DISP3: variants seen among roughly 807,000 people sequenced by gnomAD.
DISP3 encodes protein dispatched homolog 3.
DISP3 carries 101 observed loss-of-function variants against 135.3 expected under a neutral mutation model. That is an observed-to-expected ratio of 0.75 (90% CI 0.64 to 0.88). The LOEUF (loss-of-function observed/expected upper bound fraction) is 0.88, where lower values mean the gene tolerates loss of function less well. Among genes scored for constraint, DISP3 ranks in the 40% least tolerant of loss-of-function variants. The pLI is 0.00. For synonymous variants in DISP3, 856 were observed against 817.0 expected (o/e 1.05, Z -0.81); for missense variants, 1,713 against 1,878.6 (o/e 0.91, Z 1.63).
chr1:11,521,591 G>A (rs1642196333), intron 10 of DISP3, among the ~76,000 whole-genome samples: 1 of 128,634 alleles, frequency 7.8e-6, no homozygotes, highest in Non-Finnish European at 1.7e-5. Context: ...TTAGCCAGTT[G>A]AGGAGGGGAG....
Position 11,501,452 on chromosome 1 carries a change from G to C in DISP3, c.460G>C (p.Glu154Gln), listed in dbSNP as rs1641513824. The C allele has an allele frequency of 1.2e-6, 2 of 1,601,290 alleles. No homozygotes were observed. Among genetic ancestry groups the C allele is most frequent in the Admixed American group, 3.4e-5 (2 of 58,534 alleles). Residue 154 changes from glutamate (E) to glutamine (Q), a missense_variant, in exon 2 of 21, where the codon GAG becomes CAG. Transcript: ENST00000294484. The surrounding 1 kb of genome is among the most constrained non-coding windows in gnomAD (Gnocchi z 4.9). ...CGAGACGCTTCAGCGCCTTATCTCA[G>C]AGCAGCTGCAGCAGCTGCATCTCGG... The part of the protein sequence containing the change: ...TSETLQRLIS[E>Q]QLQQLHLGNR...
In DISP3 at chr1:11,536,901, T is replaced by A; in HGVS notation, c.*215T>A. 1.5e-6 allele frequency: 1 copy of A among 657,470 alleles called. No homozygotes were observed. 40.7% of individuals were successfully genotyped at this position (657,470 alleles called of 1,614,324 possible). A position where few individuals can be genotyped will look rare whatever the true frequency, so the allele number is the denominator to read the frequency against. On this transcript the variant is annotated 3_prime_UTR_variant, in exon 21 of 21. Transcript: ENST00000294484. The surrounding 1 kb of genome is among the most constrained non-coding windows in gnomAD (Gnocchi z 4.3). ...GCCGCCACCCCACAGGCCGGGCTAC[T>A]GGCAGCCACACTCGGCTTTTTGCCC...
intron 1 of DISP3, among the ~76,000 whole-genome samples, chr1:11,498,788 A>G (rs948806794): frequency 7.2e-5 from 11 of 152,124 alleles, no homozygotes; most frequent in African/African-American, 2.7e-4. Context: ...TGTGTACGCC[A>G]TCCTTCTGAC....
chr1:11,521,753 G>C (rs1246854138), intron 10 of DISP3, among the ~76,000 whole-genome samples: 2 of 152,268 alleles, frequency 1.3e-5, no homozygotes, highest in African/African-American at 4.8e-5. Context: ...CCAGAGGTGG[G>C]AAAGACCAAT....
intron 1 of DISP3, among the ~76,000 whole-genome samples, chr1:11,486,553 G>C (rs1284189593): frequency 6.6e-6 from 1 of 152,206 alleles, no homozygotes; most frequent in Non-Finnish European, 1.5e-5. Flanking sequence ...CCAGGAATCT[G>C]CAATGAACAG....
chr1:11,517,710 T>A, intron 7 of DISP3, 108 bp downstream of exon 7: 4 of 1,390,892 alleles, frequency 2.9e-6, no homozygotes, highest in Non-Finnish European at 3.9e-6. Context: ...GACCAGTCCT[T>A]TGCTAGGCAG....
At chr1:11,506,136 T>C (rs577690583) in intron 3 of DISP3, among the ~76,000 whole-genome samples, 2 of 152,350 alleles carry the variant, frequency 1.3e-5, no homozygotes, top group South Asian at 2.1e-4. Context: ...ATCTTTTTTG[T>C]TGTGCCATTA....
intron 3 of DISP3, among the ~76,000 whole-genome samples, chr1:11,512,333 G>C (rs571106931): frequency 6.6e-5 from 10 of 152,028 alleles, no homozygotes; most frequent in African/African-American, 1.9e-4. Context: ...AAAACTGAAT[G>C]CCTTTAACAG....
Position 11,535,514 on chromosome 1 carries a change from G to T in DISP3, c.3686G>T (p.Ser1229Ile). The stretch of plus-strand genomic sequence containing the variant: ...CTGGTGGTGACCATCATGTACTGGA[G>T]CGGCTGGGAGATGGGGGCTGTGGAA... ...VCLVVTIMYW[S>I]GWEMGAVEAI... The change falls in exon 20 of 21, where the codon AGC becomes ATC. Residue 1229 changes from serine to isoleucine, a missense_variant. This residue lies in a region of DISP3 where 1,142 missense variants were observed against 1,384.6 expected (regional missense o/e 0.82). Coordinates refer to ENST00000294484, the MANE Select transcript of DISP3 (RefSeq NM_020780.2). The T allele has an allele frequency of 6.2e-7, 1 of 1,612,900 alleles. No individual in the cohort carries two copies. Among genetic ancestry groups the T allele is most frequent in the Non-Finnish European group, 8.5e-7 (1 of 1,179,794 alleles).
At chr1:11,534,589 G>T in intron 18 of DISP3, 49 bp downstream of exon 18, 1 of 1,563,136 alleles carries the variant, frequency 6.4e-7, no homozygotes, top group South Asian at 1.2e-5. Context: ...GAGGCAGAGG[G>T]ACCTGGGGCC....
intron 17 of DISP3, 127 bp from the exon 18 acceptor site, chr1:11,534,254 G>A (rs910011980): frequency 4.1e-5 from 48 of 1,178,624 alleles, no homozygotes; most frequent in Non-Finnish European, 5.2e-5. Flanking sequence ...GGATTGAATC[G>A]TTGTTCACAC....
At chr1:11,525,139 C>T (rs769767679) in intron 11 of DISP3, 37 bp from the exon 12 acceptor site, 2 of 1,608,176 alleles carry the variant, frequency 1.2e-6, no homozygotes, top group Non-Finnish European at 1.7e-6. Context: ...CAGTCGAGGT[C>T]AAGTCCACCC....
chr1:11,524,029 C>A lies in DISP3; in HGVS notation c.2450C>A (p.Ala817Asp). ...AGGCGAGGCTCAGGGGTCCCCTGGG[C>A]TAGCCGGCCTGAGGCCACCCTGCAG... ...KKRRGSGVPW[A>D]SRPEATLQDF... Residue 817 changes from alanine (A) to aspartate (D), a missense_variant, in exon 11 of 21, where the codon GCT becomes GAT. Ala to Asp is a moderately radical substitution (Grantham distance 126). Coordinates refer to ENST00000294484, the MANE Select transcript of DISP3 (RefSeq NM_020780.2). 2 of 1,613,296 alleles carry A rather than the reference C, an allele frequency of 1.2e-6. 1 individual carries two copies. The highest frequency in any genetic ancestry group is 2.2e-5 in the South Asian group (2 of 91,068).
chr1:11,501,838 CG>C lies in DISP3; in HGVS notation c.848del (p.Gly283AlafsTer58). ...WRIELIFLAR[G>X]DAERNIFTSE... ...GCATCGAGCTCATCTTCCTGGCGCG[CG>C]GCGACGCGGAGCGCAACATTTTCAC... On this transcript the variant is annotated frameshift_variant, in exon 2 of 21. Coordinates refer to ENST00000294484, the MANE Select transcript of DISP3 (RefSeq NM_020780.2). LOFTEE classifies it high-confidence loss of function. The surrounding 1 kb of genome is among the most constrained non-coding windows in gnomAD (Gnocchi z 4.9). 6.2e-7 allele frequency: 1 copy of C among 1,611,518 alleles called. No individual in the cohort carries two copies. The highest frequency in any genetic ancestry group is 8.5e-7 in the Non-Finnish European group (1 of 1,178,850).
At position 11,536,326 on chromosome 1, in the gene DISP3, C is replaced by G. The variant is rs777818834; in HGVS notation, c.3819C>G (p.Asp1273Glu). The change falls in exon 21 of 21, where the codon GAC (aspartate) becomes GAG (glutamate). Residue 1273 changes from aspartate (D) to glutamate (E), a missense_variant and splice_region_variant. Around this residue, in one of 2 missense-constraint regions of DISP3, gnomAD observed 1,142 missense variants for 1,384.6 expected, o/e 0.82. Coordinates refer to ENST00000294484, the MANE Select transcript of DISP3 (RefSeq NM_020780.2). This position sits in a 1 kb window ranked among gnomAD's most constrained non-coding sequence, Gnocchi z 4.3. Reference protein sequence around the residue: ...GENLPPHQAEDARTQRQWRTL... With the variant: ...GENLPPHQAEEARTQRQWRTL... ...CCCAGCTCTCCTCTTGCCCCCAGGA[C>G]GCCCGAACGCAGCGCCAGTGGCGTA... is the stretch of plus-strand genomic sequence containing the variant. 6.3e-7 allele frequency: 1 copy of G among 1,596,980 alleles called. No individual in the cohort carries two copies. The highest frequency in any genetic ancestry group is 8.5e-7 in the Non-Finnish European group (1 of 1,177,650).
chr1:11,484,131 A>G (rs79769841), intron 1 of DISP3, among the ~76,000 whole-genome samples: 3,514 of 152,308 alleles, frequency 0.023, 60 homozygotes, highest in South Asian at 0.074. Flanking sequence ...CCCCTCTGAC[A>G]TTAGCCAAAT....
chr1:11,512,483 CAA>C (rs1641883856), intron 3 of DISP3, among the ~76,000 whole-genome samples: 1 of 152,188 alleles, frequency 6.6e-6, no homozygotes, highest in Admixed American at 6.5e-5. Flanking sequence ...TAAAACATAA[CAA>C]GAGTCACCTT....
Position 11,536,246 on chromosome 1 carries a change from G to C in DISP3, c.3817-78G>C. On this transcript the variant is annotated intron_variant, in intron 20 of 20. Coordinates refer to ENST00000294484, the MANE Select transcript of DISP3 (RefSeq NM_020780.2). This position sits in a 1 kb window ranked among gnomAD's most constrained non-coding sequence, Gnocchi z 4.3. ...CAGAGCAGGAACCTGGCGTGGGGTG[G>C]GGGTGCGTGATTCCCCAGGTGCTGG... is the stretch of plus-strand genomic sequence containing the variant. 1 of 1,513,738 alleles carries C rather than the reference G, an allele frequency of 6.6e-7. No homozygotes were observed. The highest frequency in any genetic ancestry group is 1.3e-5 in the South Asian group (1 of 77,274). The allele number at this position is 1,513,738 out of a possible 1,614,324, so 93.8% of individuals were successfully genotyped here. A position where few individuals can be genotyped will look rare whatever the true frequency, so the allele number is the denominator to read the frequency against.
At chr1:11,511,829 T>G (rs1430110595) in intron 3 of DISP3, among the ~76,000 whole-genome samples, 1 of 152,146 alleles carries the variant, frequency 6.6e-6, no homozygotes, top group Non-Finnish European at 1.5e-5. Flanking sequence ...GCAGCAAACT[T>G]TTGTGTGGGC....
Sources: allele counts gnomAD v4.1 joint callset (sites outside exome capture counted in the v4.1 genomes callset), GRCh38; gene constraint gnomAD v4.1.1; regional missense constraint gnomAD v4.1.1; non-coding constraint Gnocchi (gnomAD v3.1); transcripts MANE v1.5; gene names NCBI Gene and HGNC (gene_info 2026-07-23, HGNC 2026-07-21).